SPIN1: variants seen among roughly 807,000 people sequenced by gnomAD.
SPIN1 encodes the protein spindlin-1.
A neutral mutation model predicts 26.0 loss-of-function variants in SPIN1; 3 were observed. The ratio of observed to expected loss-of-function variants is 0.12; its 90% CI spans 0.05 to 0.30. The LOEUF (loss-of-function observed/expected upper bound fraction) is 0.30. Ranked by LOEUF, SPIN1 falls within the 10% of genes least tolerant of loss-of-function variation. The pLI is 1.00. For missense variants in SPIN1, 126 were observed against 333.4 expected (o/e 0.38, Z 4.84); for synonymous variants, 101 against 116.5 (o/e 0.87, Z 0.86).
At chr9:88,469,972 A>G (rs1828746499) in intron 5 of SPIN1, among the ~76,000 whole-genome samples, 1 of 152,222 alleles carries the variant, frequency 6.6e-6, no homozygotes, top group African/African-American at 2.4e-5. Context: ...GTTAGCTGTC[A>G]GTCCTTTATT....
intron 3 of SPIN1, among the ~76,000 whole-genome samples, chr9:88,451,450 C>T (rs1490199966): frequency 6.6e-6 from 1 of 152,128 alleles, no homozygotes; most frequent in East Asian, 1.9e-4. Flanking sequence ...CTTTTTTTTC[C>T]TATAGGCTGA....
intron 2 of SPIN1, among the ~76,000 whole-genome samples, chr9:88,447,978 A>G (rs1487943668): frequency 6.6e-6 from 1 of 151,926 alleles, no homozygotes; most frequent in East Asian, 1.9e-4. Context: ...TCAGTTGTTT[A>G]TGACAGTAAG....
chr9:88,419,485 A>AT (rs1230734692), intron 1 of SPIN1, among the ~76,000 whole-genome samples: 1 of 152,162 alleles, frequency 6.6e-6, no homozygotes, highest in Non-Finnish European at 1.5e-5. Context: ...GCACCCTTCT[A>AT]TAGAAGTAAA....
intron 1 of SPIN1, among the ~76,000 whole-genome samples, chr9:88,397,418 A>G (rs1356774930): frequency 6.6e-6 from 1 of 151,968 alleles, no homozygotes; most frequent in Non-Finnish European, 1.5e-5. Context: ...TGTGCTCACC[A>G]TATTCTCCAC....
intron 1 of SPIN1, chr9:88,411,293 A>G (rs1827437493): frequency 3.8e-6 from 5 of 1,313,314 alleles, no homozygotes; most frequent in Admixed American, 1.7e-5. Flanking sequence ...GACAAACTCA[A>G]AGCCCCTGGA....
At position 88,477,597 on chromosome 9, in the gene SPIN1, A is replaced by G. The variant is rs758663732; in HGVS notation, c.*2320A>G. ...TCTTTCTTTTGGTGACTTACACCAC[A>G]TGTAATGACGCTATGACTAATTCTG... is the stretch of plus-strand genomic sequence containing the variant. On this transcript the variant is annotated 3_prime_UTR_variant, in exon 6 of 6. Transcript: ENST00000375859. 4 of 152,474 alleles carry G rather than the reference A, an allele frequency of 2.6e-5. No homozygotes were observed. The highest frequency in any genetic ancestry group is 5.9e-5 in the Non-Finnish European group (4 of 68,024). The allele number at this position is 152,474 out of a possible 1,614,324, so 9.4% of individuals were successfully genotyped here.
At chr9:88,418,491 A>G (rs137981777) in intron 1 of SPIN1, among the ~76,000 whole-genome samples, 7 of 152,090 alleles carry the variant, frequency 4.6e-5, no homozygotes, top group Non-Finnish European at 8.8e-5. Context: ...CACTATTAGT[A>G]CTCCTGTATA....
intron 5 of SPIN1, among the ~76,000 whole-genome samples, chr9:88,472,768 C>T (rs1006453150): frequency 6.6e-6 from 1 of 152,240 alleles, no homozygotes; most frequent in African/African-American, 2.4e-5. Flanking sequence ...GGATTAAAGG[C>T]GTGAGCCACT....
intron 2 of SPIN1, among the ~76,000 whole-genome samples, chr9:88,443,900 C>T (rs73652563): frequency 0.054 from 8,186 of 151,402 alleles, 708 homozygotes; most frequent in African/African-American, 0.18. Context: ...CTTAAGAGAG[C>T]CCCCAACCCC....
At chr9:88,410,189 G>GTGTGTA (rs869281652) in intron 1 of SPIN1, among the ~76,000 whole-genome samples, 45 of 121,270 alleles carry the variant, frequency 3.7e-4, no homozygotes, top group African/African-American at 2.6e-3. Context: ...GTGTGTGTGT[G>GTGTGTA]CAACTTTTTT....
At chr9:88,463,188 A>G (rs1828604034) in intron 4 of SPIN1, among the ~76,000 whole-genome samples, 1 of 152,200 alleles carries the variant, frequency 6.6e-6, no homozygotes, top group Admixed American at 6.5e-5. Flanking sequence ...CCAAAATTTA[A>G]ACAACCAAAA....
At chr9:88,464,771 A>G (rs778007646) in intron 4 of SPIN1, among the ~76,000 whole-genome samples, 9 of 152,212 alleles carry the variant, frequency 5.9e-5, no homozygotes, top group Admixed American at 2.6e-4. Flanking sequence ...AAAACATAGC[A>G]TAAAATTTAC....
At chr9:88,472,835 G>A (rs1828815820) in intron 5 of SPIN1, among the ~76,000 whole-genome samples, 1 of 152,096 alleles carries the variant, frequency 6.6e-6, no homozygotes, top group Non-Finnish European at 1.5e-5. Flanking sequence ...TATTCTTTTT[G>A]ATGCCATTGT....
At chr9:88,438,212 T>C (rs1274054062) in intron 2 of SPIN1, among the ~76,000 whole-genome samples, 1 of 152,200 alleles carries the variant, frequency 6.6e-6, no homozygotes, top group Admixed American at 6.5e-5. Context: ...TAAATTTCTC[T>C]GTAAGCACTG....
At chr9:88,459,652 C>G (rs1444451326) in intron 3 of SPIN1, among the ~76,000 whole-genome samples, 2 of 152,164 alleles carry the variant, frequency 1.3e-5, no homozygotes, top group African/African-American at 4.8e-5. Flanking sequence ...ATAACGGTTA[C>G]ACACTATTGT....
chr9:88,449,084 C>G (rs1368575470), intron 3 of SPIN1, 95 bp downstream of exon 3: 1 of 1,152,656 alleles, frequency 8.7e-7, no homozygotes, highest in South Asian at 1.3e-5. Context: ...CCCCTGTGAT[C>G]GAGGGCTTCC....
chr9:88,433,044 A>G lies in SPIN1; in HGVS notation c.52+6453A>G, dbSNP rs1381945036. On this transcript the variant is annotated intron_variant, in intron 2 of 5. Transcript: ENST00000375859. ...TTTTATTCTCATACTTGTTTATTTC[A>G]TAGATACAAGTAGCTTATGTTTCTG... 2.0e-5 allele frequency among the ~76,000 whole-genome samples: 3 copies of G among 151,236 alleles called. No individual in the cohort carries two copies. The East Asian group carries it at 5.9e-4, about 30-fold the overall frequency.
At chr9:88,402,970 TTG>T (rs1453817678) in intron 1 of SPIN1, among the ~76,000 whole-genome samples, 1 of 152,162 alleles carries the variant, frequency 6.6e-6, no homozygotes. Context: ...CTTCTGTTGT[TTG>T]TGTTTTTAAT....
chr9:88,478,299 A>G lies in SPIN1; in HGVS notation c.*3022A>G, dbSNP rs552065266. 2 of 152,802 alleles carry G rather than the reference A, an allele frequency of 1.3e-5. No individual in the cohort carries two copies. Among genetic ancestry groups the G allele is most frequent in the Admixed American group, 1.3e-4 (2 of 15,306 alleles). The allele number at this position is 152,802 out of a possible 1,614,324, so 9.5% of individuals were successfully genotyped here. On this transcript the variant is annotated 3_prime_UTR_variant, in exon 6 of 6. Transcript: ENST00000375859. ...CGATTGTTACAAATTGTAGTGCCTG[A>G]AAACACTCTTAAGCTGATTGTCTTA...
Sources: gnomAD v4.1 joint callset for allele counts (sites outside exome capture counted in the v4.1 genomes callset) on GRCh38, gnomAD v4.1.1 for gene constraint, MANE v1.5 for transcripts, NCBI Gene and HGNC (gene_info 2026-07-23, HGNC 2026-07-21) for gene names.